Variants in FANCD2 observed in about 807,000 individuals in gnomAD.
The protein encoded by FANCD2 is Fanconi anemia group D2 protein.
Under a neutral mutation model 192.3 loss-of-function variants are expected in FANCD2, and 131 were observed. That is an observed-to-expected ratio of 0.68 (90% CI 0.59 to 0.79). The LOEUF (loss-of-function observed/expected upper bound fraction) is 0.79, where lower values mean the gene tolerates loss of function less well. Ranked by LOEUF, FANCD2 falls within the 30% of genes least tolerant of loss-of-function variation. FANCD2 has a pLI of 0.00. For synonymous variants in FANCD2, 524 were observed against 612.5 expected (o/e 0.86, Z 2.13); for missense variants, 1,508 against 1,701.6 (o/e 0.89, Z 2.00).
chr3:10,096,367 C>T lies in FANCD2; in HGVS notation c.4080C>T (p.Leu1360=). ...DTRLTQHVPL[L]KKTLELLVCR... Reference sequence around the variant, plus strand: ...GACTCACCCAACATGTGCCTCTGCTCAAAAAGACCCTGGAACTTTTAGTTT... The same window carrying T: ...GACTCACCCAACATGTGCCTCTGCTTAAAAAGACCCTGGAACTTTTAGTTT... The change falls in exon 42 of 44, where the codon CTC becomes CTT. Residue 1360 remains leucine, a synonymous_variant. Coordinates refer to ENST00000675286, the MANE Select transcript of FANCD2 (RefSeq NM_001018115.3). 1 of 1,614,002 alleles carries T rather than the reference C, an allele frequency of 6.2e-7. No individual in the cohort carries two copies. Among genetic ancestry groups the T allele is most frequent in the East Asian group, 2.2e-5 (1 of 44,882 alleles).
At chr3:10,042,427 GT>G in intron 10 of FANCD2, 131 bp from the exon 11 acceptor site, 1 of 757,416 alleles carries the variant, frequency 1.3e-6, no homozygotes, top group Non-Finnish European at 2.3e-6. Context: ...CTAAAATTTT[GT>G]TTTTCCCTAA....
At chr3:10,087,798 A>C (rs906404990) in intron 34 of FANCD2, among the ~76,000 whole-genome samples, 4 of 151,946 alleles carry the variant, frequency 2.6e-5, no homozygotes, top group Non-Finnish European at 5.9e-5. Context: ...ACAGGTGCGC[A>C]CCACCGTGCC....
At position 10,081,102 on chromosome 3, in the gene FANCD2, CA is replaced by C. The variant is rs1693809527; in HGVS notation, c.2982del (p.Gly995GlufsTer26). 1.9e-6 allele frequency: 3 copies of C among 1,613,986 alleles called. No individual in the cohort carries two copies. The highest frequency in any genetic ancestry group is 1.7e-6 in the Non-Finnish European group (2 of 1,180,036). On this transcript the variant is annotated frameshift_variant, in exon 31 of 44. Coordinates refer to ENST00000675286, the MANE Select transcript of FANCD2 (RefSeq NM_001018115.3). LOFTEE classifies it high-confidence loss of function. ...TCATAACTCTGCATTTATTATAGAA[CA>C]AAGGAAGCCGGAATATTGGATTCTC... ...IARRVPFLKN[K>X]GSRNIGFSHL...
intron 21 of FANCD2, 54 bp downstream of exon 21, chr3:10,063,965 C>T: frequency 1.2e-6 from 2 of 1,613,792 alleles, no homozygotes; most frequent in Non-Finnish European, 1.7e-6. Flanking sequence ...TGCTTTACTA[C>T]ACTCTTCAAG....
chr3:10,046,264 A>G (rs1269982073), intron 14 of FANCD2, among the ~76,000 whole-genome samples: 2 of 151,844 alleles, frequency 1.3e-5, no homozygotes, highest in Admixed American at 6.6e-5. Flanking sequence ...CGTGTTAGTC[A>G]GGATGGTCTC....
chr3:10,074,262 C>T (rs930032122), intron 28 of FANCD2, among the ~76,000 whole-genome samples: 2 of 152,094 alleles, frequency 1.3e-5, no homozygotes, highest in Non-Finnish European at 2.9e-5. Context: ...GTTTTCTGTA[C>T]TAGACCTAAA....
chr3:10,042,318 C>G (rs2086886190), intron 10 of FANCD2, among the ~76,000 whole-genome samples: 1 of 152,114 alleles, frequency 6.6e-6, no homozygotes, highest in Non-Finnish European at 1.5e-5. Flanking sequence ...AATTTAGGCT[C>G]TAAATGTAAG....
At chr3:10,072,093 T>C (rs1283443329) in intron 26 of FANCD2, among the ~76,000 whole-genome samples, 1 of 152,166 alleles carries the variant, frequency 6.6e-6, no homozygotes, top group Non-Finnish European at 1.5e-5. Context: ...ACAGGGTGAC[T>C]ACAGTCAACA....
intron 20 of FANCD2, 77 bp from the exon 21 acceptor site, chr3:10,063,715 C>A (rs34157687): frequency 1.3e-6 from 2 of 1,594,854 alleles, no homozygotes; most frequent in Admixed American, 3.3e-5. Flanking sequence ...AGTGAAAAAA[C>A]AGTCTTGAAA....
chr3:10,085,044 G>C (rs1694097990), intron 32 of FANCD2, among the ~76,000 whole-genome samples: 1 of 152,200 alleles, frequency 6.6e-6, no homozygotes, highest in Non-Finnish European at 1.5e-5. Context: ...GTAATCCAAA[G>C]ATAGAAATGT....
chr3:10,049,302 T>C, intron 16 of FANCD2, 72 bp from the exon 17 acceptor site: 1 of 1,410,232 alleles, frequency 7.1e-7, no homozygotes. Flanking sequence ...GGAGAGGCCT[T>C]GGGGGTGAAT....
intron 2 of FANCD2, among the ~76,000 whole-genome samples, chr3:10,030,012 C>T (rs1311230283): frequency 1.3e-5 from 2 of 152,014 alleles, no homozygotes; most frequent in Admixed American, 6.6e-5. Context: ...GTCTGGAACT[C>T]CTGACCTCAA....
intron 18 of FANCD2, among the ~76,000 whole-genome samples, chr3:10,056,573 C>G (rs61017294): frequency 0.026 from 3,947 of 151,264 alleles, 178 homozygotes; most frequent in African/African-American, 0.091. Context: ...ATTCTGTTAC[C>G]CAAGCTGCAG....
chr3:10,029,929 G>A (rs191758039), intron 2 of FANCD2, among the ~76,000 whole-genome samples: 22 of 150,810 alleles, frequency 1.5e-4, no homozygotes, highest in African/African-American at 4.9e-4. Flanking sequence ...GATTACAGGC[G>A]CCAGCCACCA....
Position 10,064,773 on chromosome 3 carries a change from A to G in FANCD2, c.2066A>G (p.Tyr689Cys), listed in dbSNP as rs1470126020. ...AAAGCACTGTACGGACTGGAAGAATACGACACTCAGGATGGGATTGCCATA... is the reference window on the plus strand; with the variant it reads ...AAAGCACTGTACGGACTGGAAGAATGCGACACTCAGGATGGGATTGCCATA... Reference protein sequence around the residue: ...PVKALYGLEEYDTQDGIAINL... With the variant: ...PVKALYGLEECDTQDGIAINL... The change falls in exon 23 of 44, where the codon TAC (tyrosine) becomes TGC (cysteine). Residue 689 changes from tyrosine (Y) to cysteine (C), a missense_variant. Tyr to Cys is a radical substitution (Grantham distance 194). Around this residue, in one of 5 missense-constraint regions of FANCD2, gnomAD observed 59 missense variants for 111.9 expected, o/e 0.53. Coordinates refer to ENST00000675286, the MANE Select transcript of FANCD2 (RefSeq NM_001018115.3). The G allele has an allele frequency of 6.2e-7, 1 of 1,614,012 alleles. No individual in the cohort carries two copies. Among genetic ancestry groups the G allele is most frequent in the Non-Finnish European group, 8.5e-7 (1 of 1,179,960 alleles).
chr3:10,100,636 T>C (rs1375620168), intron 43 of FANCD2, among the ~76,000 whole-genome samples: 1 of 152,170 alleles, frequency 6.6e-6, no homozygotes, highest in African/African-American at 2.4e-5. Context: ...CCTTCCAAAG[T>C]GTTGGGATTA....
In FANCD2 at chr3:10,031,285, C is replaced by T. The variant is rs34551164; in HGVS notation, c.65-1547C>T. 1.3e-3 allele frequency among the ~76,000 whole-genome samples: 201 copies of T among 152,152 alleles called. 3 individuals carry two copies. In the South Asian group the frequency reaches 0.019, roughly 14 times the overall value. Reference sequence around the variant, plus strand: ...TTGGGTGGCCAAGGCGGGCAGATCACGAGGTCAGGAGATTGAGACCATCTT... The same window carrying T: ...TTGGGTGGCCAAGGCGGGCAGATCATGAGGTCAGGAGATTGAGACCATCTT... On this transcript the variant is annotated intron_variant, in intron 2 of 43. Coordinates refer to ENST00000675286, the MANE Select transcript of FANCD2 (RefSeq NM_001018115.3).
rs375827113 is a variant in FANCD2 at position 10,072,931 on chromosome 3, C to T, written c.2555C>T (p.Pro852Leu). 5.6e-6 allele frequency: 9 copies of T among 1,611,744 alleles called. No homozygotes were observed. The East Asian group carries it at 1.6e-4, about 28-fold the overall frequency. ...GATGTGGAAACTTTAGATATAACAC[C>T]TCATACTGTTACTGCTATTTCAGCA... ...NFDVETLDIT[P>L]HTVTAISAKI... The change falls in exon 27 of 44, where the codon CCT becomes CTT. Residue 852 changes from proline (P) to leucine (L), a missense_variant. By Grantham distance (98) the Pro-to-Leu change is moderately conservative. Transcript: ENST00000675286.
rs750713448 is a variant in FANCD2, at chr3:10,040,507, A to G, written c.695+662A>G. The G allele has an allele frequency of 1.2e-4, 54 of 456,590 alleles. 1 individual carries two copies. Among genetic ancestry groups the G allele is most frequent in the South Asian group, 8.2e-4 (53 of 64,572 alleles). The allele number at this position is 456,590 out of a possible 1,614,324, so 28.3% of individuals were successfully genotyped here. Reference sequence around the variant, plus strand: ...CACATTAAAATCATTTGTGGAGCCTATTAAACATCTACCTTCTTTGGGTTC... The same window carrying G: ...CACATTAAAATCATTTGTGGAGCCTGTTAAACATCTACCTTCTTTGGGTTC... On this transcript the variant is annotated intron_variant, in intron 9 of 43. Transcript: ENST00000675286.
Sources: allele counts gnomAD v4.1 joint callset (sites outside exome capture counted in the v4.1 genomes callset), GRCh38; gene constraint gnomAD v4.1.1; regional missense constraint gnomAD v4.1.1; transcripts MANE v1.5; gene names NCBI Gene and HGNC (gene_info 2026-07-23, HGNC 2026-07-21).